The following SIL1 variants were observed in gnomAD, a reference collection of about 807,000 sequenced individuals.
The protein encoded by SIL1 is SIL1 nucleotide exchange factor.
A neutral mutation model predicts 49.1 loss-of-function variants in SIL1; 40 were observed. That is an observed-to-expected ratio of 0.81 (90% CI 0.63 to 1.06). The LOEUF is 1.06. Ranked by LOEUF, SIL1 falls within the 50% of genes least tolerant of loss-of-function variation. The pLI is 0.00. For synonymous variants in SIL1, 253 were observed against 250.8 expected, an observed-to-expected ratio of 1.01 and a Z score of -0.08; for missense variants, 500 against 572.6, an observed-to-expected ratio of 0.87 and a Z score of 1.29.
chr5:139,106,575 T>C (rs756032535), intron 3 of SIL1, among the ~76,000 whole-genome samples: 34 of 152,084 alleles, frequency 2.2e-4, no homozygotes, highest in Non-Finnish European at 2.9e-4. Context: ...ACTTAGAAAA[T>C]ATGGGCTTCT....
intron 3 of SIL1, among the ~76,000 whole-genome samples, chr5:139,095,801 T>TGG (rs1209585719): frequency 6.6e-6 from 1 of 151,342 alleles, no homozygotes; most frequent in Non-Finnish European, 1.5e-5. Context: ...GCACTCCAGC[T>TGG]GGAGCAACAG....
chr5:139,045,705 T>G (rs1007002026), intron 4 of SIL1, among the ~76,000 whole-genome samples: 7 of 152,202 alleles, frequency 4.6e-5, no homozygotes, highest in African/African-American at 1.7e-4. Flanking sequence ...CTTCTCCTTA[T>G]AAGTCTGTCC....
At chr5:139,066,804 C>T (rs777314312) in intron 3 of SIL1, among the ~76,000 whole-genome samples, 6 of 152,094 alleles carry the variant, frequency 3.9e-5, no homozygotes, top group Non-Finnish European at 7.4e-5. Flanking sequence ...CTCCCAGGCT[C>T]GAGTGATCAT....
At chr5:139,075,527 C>G (rs755056852) in intron 3 of SIL1, among the ~76,000 whole-genome samples, 1 of 152,120 alleles carries the variant, frequency 6.6e-6, no homozygotes, top group Non-Finnish European at 1.5e-5. Flanking sequence ...TAAAAACAAA[C>G]TGCTCCTGGA....
chr5:139,196,192 A>AAAT (rs909804046), intron 1 of SIL1, among the ~76,000 whole-genome samples: 7 of 151,972 alleles, frequency 4.6e-5, no homozygotes, highest in South Asian at 2.1e-4. Flanking sequence ...CCCATCTGAA[A>AAAT]AATAATAATA....
At chr5:139,116,555 C>G (rs1448721320) in intron 3 of SIL1, among the ~76,000 whole-genome samples, 1 of 152,188 alleles carries the variant, frequency 6.6e-6, no homozygotes, top group Non-Finnish European at 1.5e-5. Flanking sequence ...AGGGCTGCCT[C>G]CTTACCTCCA....
chr5:139,069,786 T>C (rs771109011), intron 3 of SIL1, among the ~76,000 whole-genome samples: 3 of 152,156 alleles, frequency 2.0e-5, no homozygotes, highest in Admixed American at 1.3e-4. Context: ...AAGTAACTTA[T>C]AAAGAAAATT....
intron 1 of SIL1, among the ~76,000 whole-genome samples, chr5:139,146,792 T>C (rs374463692): frequency 8.5e-5 from 13 of 152,216 alleles, no homozygotes; most frequent in African/African-American, 1.4e-4. Flanking sequence ...ATTTTATGTA[T>C]AGATTTTCTA....
chr5:139,132,737 C>G (rs1750890311), intron 1 of SIL1, among the ~76,000 whole-genome samples: 1 of 152,192 alleles, frequency 6.6e-6, no homozygotes, highest in Admixed American at 6.5e-5. Context: ...TGGCCTGCAG[C>G]CACGTCACCT....
intron 7 of SIL1, among the ~76,000 whole-genome samples, chr5:139,012,953 C>CA (rs1768317888): frequency 6.6e-6 from 1 of 152,144 alleles, no homozygotes; most frequent in African/African-American, 2.4e-5. Context: ...AGATCTGTCT[C>CA]AAAAAATAAA....
chr5:138,972,910 G>A (rs1219481084), intron 7 of SIL1, among the ~76,000 whole-genome samples: 1 of 152,202 alleles, frequency 6.6e-6, no homozygotes, highest in Non-Finnish European at 1.5e-5. Context: ...AGGCAAGGGG[G>A]ACAGAGGGGC....
At chr5:139,197,603 C>T (rs1752302652) in intron 1 of SIL1, among the ~76,000 whole-genome samples, 1 of 152,176 alleles carries the variant, frequency 6.6e-6, no homozygotes, top group Non-Finnish European at 1.5e-5. Flanking sequence ...GCTTTTCCCA[C>T]TCAGAGCCCC....
intron 3 of SIL1, among the ~76,000 whole-genome samples, chr5:139,110,773 T>C (rs1404569216): frequency 6.6e-6 from 1 of 152,214 alleles, no homozygotes; most frequent in Non-Finnish European, 1.5e-5. Flanking sequence ...GTTCCCTTGA[T>C]GTTCCCTGTC....
chr5:139,015,866 G>C (rs961665430), intron 7 of SIL1, among the ~76,000 whole-genome samples: 3 of 152,136 alleles, frequency 2.0e-5, no homozygotes, highest in Admixed American at 1.3e-4. Context: ...CCTAGAACTG[G>C]GGAAGGGAAT....
chr5:139,121,741 G>A (rs4835651), intron 2 of SIL1, among the ~76,000 whole-genome samples: 3,044 of 152,226 alleles, frequency 0.02, 35 homozygotes, highest in Admixed American at 0.03. Context: ...CATGGAGGAA[G>A]CGTGCAAGTG....
chr5:139,158,288 G>C (rs1751442955), intron 1 of SIL1, among the ~76,000 whole-genome samples: 1 of 152,216 alleles, frequency 6.6e-6, no homozygotes, highest in African/African-American at 2.4e-5. Flanking sequence ...GTAAGCTAGA[G>C]AAGAACTAAA....
intron 3 of SIL1, among the ~76,000 whole-genome samples, chr5:139,115,179 G>T (rs1240546574): frequency 2.6e-5 from 4 of 152,162 alleles, no homozygotes; most frequent in Non-Finnish European, 5.9e-5. Context: ...ACAGACCTGG[G>T]GAGGGGGCAG....
In SIL1 at chr5:139,056,581, G is replaced by A. The variant is rs1263205206; in HGVS notation, c.245-5535C>T. 8.3e-3 allele frequency among the ~76,000 whole-genome samples: 1,201 copies of A among 145,532 alleles called. 12 individuals are homozygous for A. The highest frequency in any genetic ancestry group is 0.018 in the Middle Eastern group (5 of 278). The stretch of plus-strand genomic sequence containing the variant: ...AGCCCCCCGACCGGCCAGCCGCCCC[G>A]TCCGGGAGGGAGGTGGGGGGGTCAG... On this transcript the variant is annotated intron_variant, in intron 3 of 9. Transcript: ENST00000394817.
chr5:139,176,929 T>TC (rs1419998173), intron 1 of SIL1, among the ~76,000 whole-genome samples: 1 of 131,924 alleles, frequency 7.6e-6, no homozygotes, highest in Non-Finnish European at 1.6e-5. Flanking sequence ...CTGAGATTCT[T>TC]TTTTTTTTTT....
Sources: gnomAD v4.1 joint callset for allele counts (sites outside exome capture counted in the v4.1 genomes callset) on GRCh38, gnomAD v4.1.1 for gene constraint, MANE v1.5 for transcripts, NCBI Gene and HGNC (gene_info 2026-07-23, HGNC 2026-07-21) for gene names.